Variants in CCDC102B observed in about 807,000 individuals in gnomAD.
CCDC102B encodes coiled-coil domain containing 102B.
In CCDC102B, 75 loss-of-function variants were observed where a neutral mutation model predicts 57.4. That is an observed-to-expected ratio of 1.31 (90% confidence interval 1.08 to 1.58). CCDC102B has a LOEUF of 1.58. Among genes scored for constraint, CCDC102B ranks in the 40% most tolerant of loss-of-function variants. CCDC102B has a pLI of 0.00. For missense variants in CCDC102B, 636 were observed against 582.6 expected, an observed-to-expected ratio of 1.09 and a Z score of -0.94; for synonymous variants, 206 against 201.9, an observed-to-expected ratio of 1.02 and a Z score of -0.17.
chr18:68,902,804 T>A (rs2040500033), intron 6 of CCDC102B, among the ~76,000 whole-genome samples: 1 of 152,206 alleles, frequency 6.6e-6, no homozygotes, highest in Non-Finnish European at 1.5e-5. Flanking sequence ...CCTGAATAGA[T>A]CATATAGCTG....
chr18:69,054,982 A>C lies in CCDC102B; in HGVS notation c.*845A>C. 1.0e-6 allele frequency: 1 copy of C among 982,666 alleles called. No homozygotes were observed. 60.9% of individuals were successfully genotyped at this position (982,666 alleles called of 1,614,324 possible). A position where few individuals can be genotyped will look rare whatever the true frequency, so the allele number is the denominator to read the frequency against. On this transcript the variant is annotated 3_prime_UTR_variant, in exon 8 of 8. Coordinates refer to ENST00000360242, the MANE Select transcript of CCDC102B (RefSeq NM_024781.3). ...TGTACATTATAGTTTATTGCTTCAT[A>C]TTTAAGTTTAGTTTTTAAGGTAAAA...
At chr18:68,941,605 A>C (rs1042095702) in intron 6 of CCDC102B, among the ~76,000 whole-genome samples, 3 of 152,142 alleles carry the variant, frequency 2.0e-5, no homozygotes, top group African/African-American at 7.2e-5. Context: ...GATATTAAGA[A>C]GTTACTGTTT....
intron 6 of CCDC102B, among the ~76,000 whole-genome samples, chr18:68,917,527 T>C (rs2041118286): frequency 6.6e-6 from 1 of 152,258 alleles, no homozygotes. Context: ...AGCTGTACCT[T>C]ACATCCTGTT....
At chr18:68,823,881 T>C (rs1018120238) in intron 1 of CCDC102B, among the ~76,000 whole-genome samples, 3 of 152,136 alleles carry the variant, frequency 2.0e-5, no homozygotes, top group East Asian at 1.9e-4. Context: ...TTCATGTCCT[T>C]CGCCCACTTT....
intron 1 of CCDC102B, among the ~76,000 whole-genome samples, chr18:68,823,125 C>G (rs532455265): frequency 2.2e-4 from 33 of 152,286 alleles, no homozygotes; most frequent in African/African-American, 7.7e-4. Flanking sequence ...CCACTTCAGC[C>G]TCTGATGAGT....
intron 6 of CCDC102B, among the ~76,000 whole-genome samples, chr18:68,960,224 C>T (rs565462350): frequency 2.0e-5 from 3 of 152,276 alleles, no homozygotes; most frequent in African/African-American, 7.2e-5. Context: ...CCTGCCAGGA[C>T]TGTATCCTTC....
intron 1 of CCDC102B, among the ~76,000 whole-genome samples, chr18:68,807,167 T>C (rs912711158): frequency 2.0e-5 from 3 of 152,174 alleles, no homozygotes; most frequent in Non-Finnish European, 2.9e-5. Context: ...ATACTTATGT[T>C]ATTTTGATAC....
At chr18:68,924,117 C>T in intron 6 of CCDC102B, among the ~76,000 whole-genome samples, 1 of 133,604 alleles carries the variant, frequency 7.5e-6, no homozygotes, top group Non-Finnish European at 1.7e-5. Context: ...TCTCAGCCCC[C>T]TTTTCCCTTC....
chr18:68,750,269 C>T (rs542826226), intron 2 of CCDC102B, among the ~76,000 whole-genome samples: 11 of 152,142 alleles, frequency 7.2e-5, no homozygotes, highest in East Asian at 1.9e-4. Flanking sequence ...GTTAGAATGG[C>T]GATCATTAAA....
intron 2 of CCDC102B, among the ~76,000 whole-genome samples, chr18:68,783,928 A>T (rs2035094747): frequency 1.3e-5 from 2 of 152,200 alleles, no homozygotes; most frequent in Admixed American, 6.5e-5. Context: ...GTTGATACTC[A>T]AGACTAAACT....
chr18:69,011,124 C>T lies in CCDC102B; in HGVS notation c.1434+20C>T. On this transcript the variant is annotated intron_variant, in intron 7 of 7. Transcript: ENST00000360242. ...GATGAGGTACTACTTTATGAGTGAA[C>T]ACGTGCTGGACAGCTTCTAAATAGT... 1 of 1,605,458 alleles carries T rather than the reference C, an allele frequency of 6.2e-7. No homozygotes were observed. The highest frequency in any genetic ancestry group is 2.2e-5 in the East Asian group (1 of 44,764).
chr18:69,040,989 CA>C (rs1293745945), intron 7 of CCDC102B, among the ~76,000 whole-genome samples: 1 of 151,916 alleles, frequency 6.6e-6, no homozygotes, highest in East Asian at 1.9e-4. Context: ...AAGTTCCTGC[CA>C]TTACTGTTGC....
chr18:68,951,652 A>C (rs2145197502), intron 6 of CCDC102B, among the ~76,000 whole-genome samples: 1 of 152,118 alleles, frequency 6.6e-6, no homozygotes, highest in African/African-American at 2.4e-5. Context: ...TACTAAAAAT[A>C]TAAAAATTAG....
chr18:68,812,666 A>G (rs139210074), intron 1 of CCDC102B, among the ~76,000 whole-genome samples: 1 of 152,338 alleles, frequency 6.6e-6, no homozygotes, highest in Non-Finnish European at 1.5e-5. Context: ...AGGCAGTGAA[A>G]CAAATCATGA....
At chr18:68,909,062 G>T (rs111913651) in intron 6 of CCDC102B, among the ~76,000 whole-genome samples, 2 of 146,104 alleles carry the variant, frequency 1.4e-5, no homozygotes, top group African/African-American at 5.1e-5. Context: ...CTCCATCTAT[G>T]TGATTCCAAA....
intron 6 of CCDC102B, among the ~76,000 whole-genome samples, chr18:68,986,556 G>T (rs2050728900): frequency 6.6e-6 from 1 of 151,976 alleles, no homozygotes; most frequent in African/African-American, 2.4e-5. Flanking sequence ...GCAAATGCTG[G>T]AACCATTCCC....
Position 69,022,193 on chromosome 18 carries a change from C to CTATATATATATA in CCDC102B, c.1434+11108_1434+11119dup, listed in dbSNP as rs57226048. ...TTTATTAGACCCATTATCCTTTAGC[C>CTATATATATATA]TATATATATATATATATATATATAT... On this transcript the variant is annotated intron_variant, in intron 7 of 7. Transcript: ENST00000360242. 3.6e-3 allele frequency among the ~76,000 whole-genome samples: 507 copies of CTATATATATATA among 141,956 alleles called. 4 individuals are homozygous for CTATATATATATA. The highest frequency in any genetic ancestry group is 0.013 in the African/African-American group (467 of 34,888). 93.1% of individuals were successfully genotyped at this position (141,956 alleles called of 152,430 possible). A position where few individuals can be genotyped will look rare whatever the true frequency, so the allele number is the denominator to read the frequency against.
intron 6 of CCDC102B, among the ~76,000 whole-genome samples, chr18:68,967,452 G>C (rs1487258544): frequency 6.9e-6 from 1 of 143,962 alleles, no homozygotes; most frequent in Non-Finnish European, 1.5e-5. Context: ...TAATAAATTG[G>C]TAAAAAATCA....
chr18:69,034,329 G>T lies in CCDC102B; in HGVS notation c.1435-19701G>T, dbSNP rs1203777788. Among the ~76,000 whole-genome samples the T allele has an allele frequency of 2.0e-5, 3 of 151,818 alleles. No homozygotes were observed. The South Asian group carries it at 6.2e-4, about 31-fold the overall frequency. On this transcript the variant is annotated intron_variant, in intron 7 of 7. Transcript: ENST00000360242. Reference sequence around the variant, plus strand: ...TTTACTCTCATATTTTCTTCTAAGGGTTTTATAGTTTTAGCTCTCACATTT... The same window carrying T: ...TTTACTCTCATATTTTCTTCTAAGGTTTTTATAGTTTTAGCTCTCACATTT...
Sources: gnomAD v4.1 joint callset for allele counts (sites outside exome capture counted in the v4.1 genomes callset) on GRCh38, gnomAD v4.1.1 for gene constraint, MANE v1.5 for transcripts, NCBI Gene and HGNC (gene_info 2026-07-23, HGNC 2026-07-21) for gene names.